Variants in OSTF1 observed in about 807,000 individuals in gnomAD.
OSTF1 encodes osteoclast stimulating factor 1.
A neutral mutation model predicts 37.2 loss-of-function variants in OSTF1; 27 were observed. That is an observed-to-expected ratio of 0.73 (90% confidence interval 0.54 to 1.00). The LOEUF is 1.00. Among genes scored for constraint, OSTF1 ranks in the 50% least tolerant of loss-of-function variants. The pLI, the probability that OSTF1 is intolerant of heterozygous loss-of-function variation, is 0.00. For synonymous variants in OSTF1, 82 were observed against 89.2 expected (o/e 0.92, Z 0.46); for missense variants, 232 against 253.8 (o/e 0.91, Z 0.58).
At chr9:75,132,852 C>A (rs1825782054) in intron 5 of OSTF1, among the ~76,000 whole-genome samples, 1 of 152,050 alleles carries the variant, frequency 6.6e-6, no homozygotes, top group Non-Finnish European at 1.5e-5. Flanking sequence ...CTTATAGGAA[C>A]TGAAGATGCA....
At position 75,127,551 on chromosome 9, in the gene OSTF1, C is replaced by CTTT; in HGVS notation, c.82-10_82-8dup. 6 of 1,399,026 alleles carry CTTT rather than the reference C, an allele frequency of 4.3e-6. No individual in the cohort carries two copies. The highest frequency in any genetic ancestry group is 4.9e-6 in the Non-Finnish European group (5 of 1,023,056). The allele number at this position is 1,399,026 out of a possible 1,614,324, so 86.7% of individuals were successfully genotyped here. A position where few individuals can be genotyped will look rare whatever the true frequency, so the allele number is the denominator to read the frequency against. ...TCATGAAAAATCACATGGAGTCAAA[C>CTTT]TTTTTTTTTTCTTCTAGCCAGATGA... On this transcript the variant is annotated splice_polypyrimidine_tract_variant and intron_variant, in intron 2 of 9. Transcript: ENST00000346234.
chr9:75,127,870 A>G (rs1309091082), intron 3 of OSTF1, among the ~76,000 whole-genome samples: 1 of 152,020 alleles, frequency 6.6e-6, no homozygotes, highest in African/African-American at 2.4e-5. Flanking sequence ...GAATATCTCT[A>G]TATGCTATTA....
intron 1 of OSTF1, among the ~76,000 whole-genome samples, chr9:75,116,536 A>C (rs1190568707): frequency 1.3e-5 from 2 of 151,558 alleles, no homozygotes; most frequent in African/African-American, 4.9e-5. Flanking sequence ...AGGACAACTC[A>C]GGCATGTGAC....
At position 75,141,026 on chromosome 9, in the gene OSTF1, C is replaced by T. The variant is rs1181802566; in HGVS notation, c.586+94C>T. On this transcript the variant is annotated intron_variant, in intron 9 of 9. Coordinates refer to ENST00000346234, the MANE Select transcript of OSTF1 (RefSeq NM_012383.5). ...CAAAAGAGATAAACTCAGCTGAGTG[C>T]AGTGGCTTATACCTGTAATCCCAGC... 4 of 880,106 alleles carry T rather than the reference C, an allele frequency of 4.5e-6. No individual in the cohort carries two copies. The East Asian group carries it at 8.3e-5, about 18-fold the overall frequency. The allele number at this position is 880,106 out of a possible 1,614,324, so 54.5% of individuals were successfully genotyped here.
intron 4 of OSTF1, among the ~76,000 whole-genome samples, chr9:75,131,445 CTTTG>C (rs754294633): frequency 4.6e-5 from 7 of 152,152 alleles, no homozygotes; most frequent in Non-Finnish European, 1.0e-4. Context: ...ATTTTTGTGA[CTTTG>C]TTTATTAAAT....
intron 9 of OSTF1, among the ~76,000 whole-genome samples, chr9:75,143,085 A>C (rs796334055): frequency 1.2e-4 from 18 of 152,152 alleles, no homozygotes; most frequent in African/African-American, 4.3e-4. Context: ...GATTACAGGC[A>C]TGAGCCACGA....
At chr9:75,130,430 C>A in intron 3 of OSTF1, 148 bp from the exon 4 acceptor site, 1 of 591,550 alleles carries the variant, frequency 1.7e-6, no homozygotes, top group Admixed American at 2.5e-5. Flanking sequence ...GACGGACACC[C>A]ACAGCTAGGG....
intron 8 of OSTF1, among the ~76,000 whole-genome samples, chr9:75,139,703 G>A (rs572252551): frequency 1.8e-4 from 27 of 152,342 alleles, no homozygotes; most frequent in African/African-American, 5.5e-4. Flanking sequence ...GATTACAGGC[G>A]TGAGCCACCG....
At chr9:75,109,183 T>G (rs778991330) in intron 1 of OSTF1, among the ~76,000 whole-genome samples, 3 of 152,018 alleles carry the variant, frequency 2.0e-5, no homozygotes, top group Non-Finnish European at 4.4e-5. Flanking sequence ...CGGCTAGTTT[T>G]TGTATTTTTA....
At chr9:75,104,688 A>G (rs1825253926) in intron 1 of OSTF1, among the ~76,000 whole-genome samples, 1 of 152,232 alleles carries the variant, frequency 6.6e-6, no homozygotes, top group South Asian at 2.1e-4. Flanking sequence ...GAATAATGTA[A>G]AAAGGTATAG....
intron 7 of OSTF1, 61 bp from the exon 8 acceptor site, chr9:75,137,477 A>G: frequency 9.1e-7 from 1 of 1,102,134 alleles, no homozygotes; most frequent in Non-Finnish European, 1.4e-6. Flanking sequence ...ACCTGAATTA[A>G]CATGTACTTT....
intron 1 of OSTF1, among the ~76,000 whole-genome samples, chr9:75,107,652 C>T (rs2118458070): frequency 6.6e-6 from 1 of 152,242 alleles, no homozygotes; most frequent in South Asian, 2.1e-4. Context: ...ATTTTTTGAC[C>T]TTGAACTTCA....
chr9:75,105,766 G>GT, intron 1 of OSTF1, among the ~76,000 whole-genome samples: 1 of 152,158 alleles, frequency 6.6e-6, no homozygotes, highest in Non-Finnish European at 1.5e-5. Context: ...TTCTTTCTCT[G>GT]TTTTTTACCC....
intron 3 of OSTF1, among the ~76,000 whole-genome samples, chr9:75,130,351 C>T (rs1015234754): frequency 6.6e-6 from 1 of 152,158 alleles, no homozygotes; most frequent in Non-Finnish European, 1.5e-5. Context: ...GTTGTTGAGA[C>T]TCTGTCATGA....
chr9:75,102,956 A>G (rs12349091), intron 1 of OSTF1, among the ~76,000 whole-genome samples: 9,211 of 152,204 alleles, frequency 0.061, 385 homozygotes, highest in African/African-American at 0.11. Flanking sequence ...GAAAGTGGAT[A>G]AGGAGGACTC....
intron 1 of OSTF1, among the ~76,000 whole-genome samples, chr9:75,089,830 A>G (rs910315213): frequency 2.6e-5 from 4 of 152,190 alleles, no homozygotes; most frequent in Admixed American, 1.3e-4. Context: ...CCTAAACTCT[A>G]TAGCTTTCAT....
intron 1 of OSTF1, among the ~76,000 whole-genome samples, chr9:75,102,414 G>A (rs760016443): frequency 6.6e-6 from 1 of 152,200 alleles, no homozygotes; most frequent in Admixed American, 6.5e-5. Context: ...CATGACTAGC[G>A]TCTTGAAGAA....
intron 2 of OSTF1, 48 bp from the exon 3 acceptor site, chr9:75,127,521 C>G: frequency 9.5e-7 from 1 of 1,049,102 alleles, no homozygotes. Context: ...TAATCATATT[C>G]TAATTCATGA....
At chr9:75,131,882 T>C in intron 5 of OSTF1, 59 bp downstream of exon 5, 2 of 1,291,630 alleles carry the variant, frequency 1.5e-6, no homozygotes, top group South Asian at 1.2e-5. Flanking sequence ...GGATTTCAAT[T>C]AGCTTTGACA....
Sources: gnomAD v4.1 joint callset for allele counts (sites outside exome capture counted in the v4.1 genomes callset) on GRCh38, gnomAD v4.1.1 for gene constraint, MANE v1.5 for transcripts, NCBI Gene and HGNC (gene_info 2026-07-23, HGNC 2026-07-21) for gene names.